Variants in CCNH observed in about 807,000 individuals in gnomAD.
CCNH encodes the protein cyclin-H.
Under a neutral mutation model 41.9 loss-of-function variants are expected in CCNH, and 31 were observed. The observed-to-expected ratio is 0.74, with a 90% confidence interval of 0.56 to 1.00. The LOEUF (loss-of-function observed/expected upper bound fraction) is 1.00, where lower values mean the gene tolerates loss of function less well. Ranked by LOEUF, CCNH falls within the 50% of genes least tolerant of loss-of-function variation. The probability of loss-of-function intolerance (pLI) is 0.00; values close to 1 mark genes in which losing one functional copy is unlikely to be tolerated. For synonymous variants in CCNH, 138 were observed against 136.1 expected (o/e 1.01, Z -0.10); for missense variants, 362 against 388.4 (o/e 0.93, Z 0.57).
intron 9 of CCNH, among the ~76,000 whole-genome samples, chr5:87,335,870 C>T (rs370620557): frequency 5.8e-4 from 89 of 152,222 alleles, no homozygotes; most frequent in Middle Eastern, 6.8e-3. Context: ...GCAAGATAGA[C>T]CAATAGATGT....
chr5:87,320,501 G>C (rs1756707867), intron 9 of CCNH, among the ~76,000 whole-genome samples: 2 of 152,200 alleles, frequency 1.3e-5, no homozygotes, highest in African/African-American at 4.8e-5. Context: ...AATCATGGCA[G>C]AAGGCAAAGG....
intron 9 of CCNH, among the ~76,000 whole-genome samples, chr5:87,358,218 C>G: frequency 6.6e-6 from 1 of 152,210 alleles, no homozygotes; most frequent in East Asian, 1.9e-4. Context: ...GAACTGTTAA[C>G]ACTTTTTGAG....
intron 2 of CCNH, among the ~76,000 whole-genome samples, chr5:87,410,297 A>G (rs1764131105): frequency 6.6e-6 from 1 of 152,196 alleles, no homozygotes; most frequent in Non-Finnish European, 1.5e-5. Flanking sequence ...AAGATCACTT[A>G]AATTTACTGC....
At chr5:87,332,308 T>C (rs1757662624) in intron 9 of CCNH, among the ~76,000 whole-genome samples, 1 of 152,122 alleles carries the variant, frequency 6.6e-6, no homozygotes, top group African/African-American at 2.4e-5. Flanking sequence ...TCACATCAAA[T>C]GCATGTATAT....
At chr5:87,336,010 T>C (rs1757951576) in intron 9 of CCNH, among the ~76,000 whole-genome samples, 1 of 152,204 alleles carries the variant, frequency 6.6e-6, no homozygotes, top group Non-Finnish European at 1.5e-5. Flanking sequence ...GAAAAGGCTA[T>C]TAAAATACTT....
chr5:87,339,042 C>T (rs918299881), intron 9 of CCNH, among the ~76,000 whole-genome samples: 4 of 152,056 alleles, frequency 2.6e-5, no homozygotes, highest in African/African-American at 9.7e-5. Flanking sequence ...CCTTTCCTTT[C>T]GGATTTTTCT....
downstream of CCNH, chr5:87,387,000 C>T: frequency 8.6e-7 from 1 of 1,168,912 alleles, no homozygotes; most frequent in Non-Finnish European, 1.2e-6. Context: ...ATTTTCTATC[C>T]AAAACTAAAA....
At chr5:87,322,970 A>T (rs987051084) in intron 9 of CCNH, among the ~76,000 whole-genome samples, 4 of 152,154 alleles carry the variant, frequency 2.6e-5, no homozygotes, top group African/African-American at 9.7e-5. Context: ...TAAGATGTTG[A>T]TATATTCACC....
Position 87,409,317 on chromosome 5 carries a change from A to C in CCNH, c.287T>G (p.Val96Gly), listed in dbSNP as rs1764039163. The change falls in exon 3 of 9, where the codon GTA becomes GGA. Residue 96 changes from valine to glycine, a missense_variant. Transcript: ENST00000256897. The stretch of plus-strand genomic sequence containing the variant: ...TATTATCCTGGGGTGATATTCCATT[A>C]CTGAGTTATTAAGATAAAAACGTTT... Reference protein sequence around the residue: ...YFKRFYLNNSVMEYHPRIIML... With the variant: ...YFKRFYLNNSGMEYHPRIIML... The C allele has an allele frequency of 6.3e-7, 1 of 1,575,812 alleles. No homozygotes were observed. Among genetic ancestry groups the C allele is most frequent in the African/African-American group, 1.3e-5 (1 of 74,228 alleles).
intron 1 of CCNH, chr5:87,412,410 C>T (rs765658904): frequency 2.4e-6 from 3 of 1,232,904 alleles, no homozygotes; most frequent in Non-Finnish European, 3.1e-6. Flanking sequence ...GCTCTTGCCA[C>T]GCACTACCTT....
rs1161195439 is a variant in CCNH, at chr5:87,362,671, G to A, written c.*90+30099C>T. On this transcript the variant is annotated intron_variant and NMD_transcript_variant, in intron 9 of 9. Coordinates refer to the CCNH transcript ENST00000645953. Reference sequence around the variant, plus strand: ...TAAGAAAGGTTATCTTCTGAAAAAGGGTAAGTTCAGACTTTTATCATTAAC... The same window carrying A: ...TAAGAAAGGTTATCTTCTGAAAAAGAGTAAGTTCAGACTTTTATCATTAAC... 3 of 1,605,130 alleles carry A rather than the reference G, an allele frequency of 1.9e-6. No individual in the cohort carries two copies.
intron 9 of CCNH, among the ~76,000 whole-genome samples, chr5:87,382,883 A>T (rs1161112805): frequency 6.6e-6 from 1 of 151,834 alleles, no homozygotes; most frequent in Admixed American, 6.6e-5. Context: ...GGAATTTGAA[A>T]TTGTCCTGGG....
At position 87,401,700 on chromosome 5, in the gene CCNH, ACTTTT is replaced by A; in HGVS notation, c.757_760+1del. ...TTTTGTAAAGTGTTCTCTTTTACTTACTTTTCATTATATCTAGTAACTGTGACAGG... is the reference window on the plus strand; with the variant it reads ...TTTTGTAAAGTGTTCTCTTTTACTTACATTATATCTAGTAACTGTGACAGG... On this transcript the variant is annotated splice_donor_variant and coding_sequence_variant, in exon 6 of 9. Transcript: ENST00000256897. LOFTEE classifies it high-confidence loss of function. 1 of 1,563,670 alleles carries A rather than the reference ACTTTT, an allele frequency of 6.4e-7. No individual in the cohort carries two copies. The highest frequency in any genetic ancestry group is 8.7e-7 in the Non-Finnish European group (1 of 1,148,912).
chr5:87,394,512 A>G (rs1416639534), intron 8 of CCNH, 28 bp from the exon 9 acceptor site: 2 of 1,612,972 alleles, frequency 1.2e-6, no homozygotes, highest in Non-Finnish European at 1.7e-6. Flanking sequence ...TGTGGTAAGG[A>G]TAACACTGAA....
downstream of CCNH, among the ~76,000 whole-genome samples, chr5:87,386,639 T>C (rs1762080648): frequency 6.6e-6 from 1 of 152,084 alleles, no homozygotes; most frequent in Non-Finnish European, 1.5e-5. Flanking sequence ...TTAATTCTTG[T>C]GAATGTGTTG....
chr5:87,394,225 A>ATATT (rs1470811241), downstream of CCNH: 10 of 1,199,390 alleles, frequency 8.3e-6, no homozygotes, highest in African/African-American at 1.3e-4. Flanking sequence ...CTTTAATTTG[A>ATATT]TATTAGTCAC....
chr5:87,366,153 CA>C (rs1415308274), intron 9 of CCNH, among the ~76,000 whole-genome samples: 6 of 151,962 alleles, frequency 3.9e-5, no homozygotes, highest in African/African-American at 1.5e-4. Context: ...ATGTACAATA[CA>C]AAAAGATATG....
At chr5:87,391,191 T>A (rs1297238132), downstream of CCNH, 1 of 478,652 alleles carries the variant, frequency 2.1e-6, no homozygotes, top group Non-Finnish European at 3.8e-6. Flanking sequence ...TCTCGAACTT[T>A]CAAAATATAT....
chr5:87,326,206 C>T (rs1452293822), intron 9 of CCNH, among the ~76,000 whole-genome samples: 2 of 152,084 alleles, frequency 1.3e-5, no homozygotes, highest in African/African-American at 4.8e-5. Flanking sequence ...TCCTGGGTTC[C>T]AGCAGTCCCC....
Sources: allele counts gnomAD v4.1 joint callset (sites outside exome capture counted in the v4.1 genomes callset), GRCh38; gene constraint gnomAD v4.1.1; transcripts MANE v1.5; gene names NCBI Gene and HGNC (gene_info 2026-07-23, HGNC 2026-07-21).